Variants in MAGI1 observed in about 807,000 individuals in gnomAD.
MAGI1 encodes membrane associated guanylate kinase, WW and PDZ domain containing 1, also known as membrane-associated guanylate kinase, WW and PDZ domain-containing protein 1.
MAGI1 carries 58 observed loss-of-function variants against 139.9 expected under a neutral mutation model. The ratio of observed to expected loss-of-function variants is 0.41; its 90% CI spans 0.34 to 0.52. MAGI1 has a LOEUF of 0.52. Among genes scored for constraint, MAGI1 ranks in the 20% least tolerant of loss-of-function variants. The pLI is 0.12. For missense variants in MAGI1, 1,874 were observed against 1,901.6 expected (o/e 0.99, Z 0.27); for synonymous variants, 812 against 737.9 (o/e 1.10, Z -1.63).
At chr3:65,975,976 C>T (rs2065245215) in intron 1 of MAGI1, among the ~76,000 whole-genome samples, 1 of 152,210 alleles carries the variant, frequency 6.6e-6, no homozygotes, top group Non-Finnish European at 1.5e-5. Context: ...TCAGTTGCTA[C>T]TGAATGATGG....
At chr3:65,831,361 C>G (rs995570244) in intron 1 of MAGI1, among the ~76,000 whole-genome samples, 9 of 152,164 alleles carry the variant, frequency 5.9e-5, no homozygotes, top group Non-Finnish European at 1.0e-4. Context: ...TGTTTTGCAT[C>G]AAAAACTAAA....
chr3:65,907,902 T>C (rs1390245), intron 1 of MAGI1, among the ~76,000 whole-genome samples: 88,482 of 151,912 alleles, frequency 0.58, 26,632 homozygotes, highest in East Asian at 0.75. Flanking sequence ...CGTCTCAACT[T>C]AAAATGTCCC....
chr3:65,756,066 T>C (rs1202242214), intron 1 of MAGI1, among the ~76,000 whole-genome samples: 1 of 152,228 alleles, frequency 6.6e-6, no homozygotes. Flanking sequence ...TGGGAACAAC[T>C]ACACAATGTT....
intron 2 of MAGI1, among the ~76,000 whole-genome samples, chr3:65,566,376 A>G (rs2080643796): frequency 6.6e-6 from 1 of 152,218 alleles, no homozygotes; most frequent in Non-Finnish European, 1.5e-5. Context: ...ACATCAGAAC[A>G]TTAACAGGGA....
At chr3:66,036,758 T>C (rs924170935) in intron 1 of MAGI1, among the ~76,000 whole-genome samples, 2 of 152,206 alleles carry the variant, frequency 1.3e-5, no homozygotes, top group African/African-American at 4.8e-5. Flanking sequence ...TGGAAACACA[T>C]GGGAACTTTT....
At chr3:65,902,056 G>A (rs1429938149) in intron 1 of MAGI1, among the ~76,000 whole-genome samples, 2 of 152,148 alleles carry the variant, frequency 1.3e-5, no homozygotes, top group African/African-American at 4.8e-5. Context: ...ACATATATTT[G>A]TGAGAGTTCT....
intron 1 of MAGI1, among the ~76,000 whole-genome samples, chr3:65,715,873 G>A (rs754856616): frequency 4.6e-5 from 7 of 152,178 alleles, no homozygotes; most frequent in Non-Finnish European, 7.3e-5. Context: ...TTTTGGATTT[G>A]TAAATTTGTA....
At chr3:65,609,752 T>A in intron 2 of MAGI1, 3 of 331,974 alleles carry the variant, frequency 9.0e-6, no homozygotes, top group South Asian at 7.7e-5. Context: ...ACCTGGGTAA[T>A]TTTTTGTAGA....
intron 1 of MAGI1, among the ~76,000 whole-genome samples, chr3:65,652,588 T>C (rs1323760388): frequency 2.0e-5 from 3 of 152,212 alleles, no homozygotes; most frequent in Admixed American, 1.3e-4. Flanking sequence ...TGCTTTAACT[T>C]AGGGACTAGG....
Position 65,704,195 on chromosome 3 carries a change from CTA to C in MAGI1, c.314-82109_314-82108del, listed in dbSNP as rs199655901. On this transcript the variant is annotated intron_variant, in intron 1 of 22. Transcript: ENST00000402939. Reference sequence around the variant, plus strand: ...GGCTATCTGTTCTGCCTCATTTCTTCTATGTTTTATTCCACCAACACGAACAG... The same window carrying C: ...GGCTATCTGTTCTGCCTCATTTCTTCTGTTTTATTCCACCAACACGAACAG... 4.5e-3 allele frequency among the ~76,000 whole-genome samples: 681 copies of C among 152,306 alleles called. 5 individuals are homozygous for C. Among genetic ancestry groups the C allele is most frequent in the African/African-American group, 0.016 (652 of 41,552 alleles).
At chr3:65,640,822 C>T (rs1241580484) in intron 1 of MAGI1, among the ~76,000 whole-genome samples, 1 of 152,132 alleles carries the variant, frequency 6.6e-6, no homozygotes, top group Non-Finnish European at 1.5e-5. Context: ...ACGAGTGTTC[C>T]TATTAGGGAA....
chr3:65,877,469 T>C (rs1295325906), intron 1 of MAGI1, among the ~76,000 whole-genome samples: 1 of 152,236 alleles, frequency 6.6e-6, no homozygotes, highest in Admixed American at 6.5e-5. Flanking sequence ...TCCACTTGTA[T>C]CCACGTAGAG....
At chr3:65,656,204 C>T (rs999535984) in intron 1 of MAGI1, among the ~76,000 whole-genome samples, 6 of 152,020 alleles carry the variant, frequency 3.9e-5, no homozygotes, top group African/African-American at 1.4e-4. Context: ...AAATTCTGGA[C>T]CATATATTGA....
chr3:65,891,885 AATATATATATATATATATATATATAT>A (rs55826911), intron 1 of MAGI1, among the ~76,000 whole-genome samples: 2,768 of 37,550 alleles, frequency 0.074, 169 homozygotes, highest in African/African-American at 0.13. Flanking sequence ...CTTAAAGTAT[AATATATATATATATATATATATATAT>A]ATATATATAT....
chr3:65,591,800 T>C (rs1482760456), intron 2 of MAGI1, among the ~76,000 whole-genome samples: 1 of 152,218 alleles, frequency 6.6e-6, no homozygotes, highest in Non-Finnish European at 1.5e-5. Context: ...GCCTTTGCAA[T>C]GGATTGGCTT....
At position 65,762,878 on chromosome 3, in the gene MAGI1, G is replaced by A. The variant is rs374408319; in HGVS notation, c.314-140790C>T. On this transcript the variant is annotated intron_variant, in intron 1 of 22. Coordinates refer to ENST00000402939, the MANE Select transcript of MAGI1 (RefSeq NM_001033057.2). ...GGTCTGCACAGTAATTCATACAAGC[G>A]TCACTCTACCACTTCCAGAATGTGG... Among the ~76,000 whole-genome samples, 30 of 152,254 alleles carry A rather than the reference G, an allele frequency of 2.0e-4. 1 individual carries two copies. The highest frequency in any genetic ancestry group is 7.7e-4 in the East Asian group (4 of 5,180).
intron 2 of MAGI1, among the ~76,000 whole-genome samples, chr3:65,570,921 C>T (rs1015255632): frequency 1.3e-5 from 2 of 152,166 alleles, no homozygotes; most frequent in Admixed American, 1.3e-4. Context: ...ACAAGCAAAC[C>T]AAACTCAATT....
intron 1 of MAGI1, among the ~76,000 whole-genome samples, chr3:65,623,377 T>C (rs1201184953): frequency 2.0e-5 from 3 of 152,158 alleles, no homozygotes; most frequent in Non-Finnish European, 4.4e-5. Context: ...CACAAAAATG[T>C]GTCATAGAAA....
intron 1 of MAGI1, among the ~76,000 whole-genome samples, chr3:65,946,630 G>C (rs1323795840): frequency 1.3e-5 from 2 of 151,962 alleles, no homozygotes; most frequent in African/African-American, 4.8e-5. Context: ...CCTACAAGTA[G>C]GCCTCACTGT....
Sources: gnomAD v4.1 joint callset for allele counts (sites outside exome capture counted in the v4.1 genomes callset) on GRCh38, gnomAD v4.1.1 for gene constraint, MANE v1.5 for transcripts, NCBI Gene and HGNC (gene_info 2026-07-23, HGNC 2026-07-21) for gene names.